The following ZNF366 variants were observed in gnomAD, a reference collection of about 807,000 sequenced individuals.
The protein encoded by ZNF366 is dendritic cell-specific transcript protein.
ZNF366 carries 20 observed loss-of-function variants against 47.2 expected under a neutral mutation model. That is an observed-to-expected ratio of 0.42 (90% CI 0.30 to 0.62). The LOEUF is 0.62. ZNF366 is among the 20% of genes least tolerant of loss of function. The probability of loss-of-function intolerance (pLI) is 0.16; values close to 1 mark genes in which losing one functional copy is unlikely to be tolerated. For missense variants in ZNF366, 987 were observed against 976.3 expected (o/e 1.01, Z -0.15); for synonymous variants, 421 against 395.1 (o/e 1.07, Z -0.78).
chr5:72,441,890 G>A lies in ZNF366; in HGVS notation c.*1866C>T, dbSNP rs1742860775. 1 of 152,158 alleles carries A rather than the reference G, an allele frequency of 6.6e-6. No individual in the cohort carries two copies. Among genetic ancestry groups the A allele is most frequent in the Non-Finnish European group, 1.5e-5 (1 of 68,052 alleles). The allele number at this position is 152,158 out of a possible 1,614,324, so 9.4% of individuals were successfully genotyped here. ...GGGTTATTGCTATGGGCAGTCACAC[G>A]TACACGACACCCAGTCAGTATTGCT... On this transcript the variant is annotated 3_prime_UTR_variant, in exon 5 of 5. Transcript: ENST00000318442.
At chr5:72,478,410 A>T (rs1023030697) in intron 1 of ZNF366, among the ~76,000 whole-genome samples, 1 of 152,178 alleles carries the variant, frequency 6.6e-6, no homozygotes, top group Non-Finnish European at 1.5e-5. Flanking sequence ...CATTTTATGG[A>T]TGAGAAATCA....
chr5:72,445,554 A>G (rs7729012), intron 4 of ZNF366, among the ~76,000 whole-genome samples: 128,436 of 152,190 alleles, frequency 0.84, 54,383 homozygotes, highest in East Asian at 0.96. Context: ...GAAAACACTG[A>G]GATTGTTGAA....
intron 4 of ZNF366, among the ~76,000 whole-genome samples, chr5:72,446,116 G>A (rs1740863200): frequency 6.6e-6 from 1 of 152,220 alleles, no homozygotes; most frequent in Non-Finnish European, 1.5e-5. Context: ...TCTGCCTAGG[G>A]TAGTGAGCAC....
At chr5:72,448,029 T>C (rs1051213159) in intron 3 of ZNF366, among the ~76,000 whole-genome samples, 1 of 152,206 alleles carries the variant, frequency 6.6e-6, no homozygotes, top group African/African-American at 2.4e-5. Context: ...ACAACTCTTC[T>C]GTATCAGGCA....
At chr5:72,463,398 AT>A (rs1183202111) in intron 1 of ZNF366, among the ~76,000 whole-genome samples, 1 of 152,246 alleles carries the variant, frequency 6.6e-6, no homozygotes, top group African/African-American at 2.4e-5. Context: ...AACTAAAAAA[AT>A]AATGCTTAAT....
intron 1 of ZNF366, among the ~76,000 whole-genome samples, chr5:72,476,564 G>A (rs1359044176): frequency 6.6e-5 from 10 of 152,268 alleles, no homozygotes; most frequent in Non-Finnish European, 7.4e-5. Context: ...GATACTAATG[G>A]TGGGGTGTTG....
In ZNF366 at chr5:72,460,309, G is replaced by T. The variant is rs771443877; in HGVS notation, c.1188C>A (p.Ser396=). 1 of 1,614,236 alleles carries T rather than the reference G, an allele frequency of 6.2e-7. No individual in the cohort carries two copies. The highest frequency in any genetic ancestry group is 8.5e-7 in the Non-Finnish European group (1 of 1,180,038). Residue 396 remains serine (S), a synonymous_variant, in exon 2 of 5, where the codon TCC becomes TCA. Transcript: ENST00000318442. ...THRGPIQYNC[S]ECDKTFQYPS... The stretch of plus-strand genomic sequence containing the variant: ...GGTACTGGAAGGTCTTGTCGCACTC[G>T]GAGCAGTTGTACTGGATGGGGCCCC...
In ZNF366 at chr5:72,460,016, G is replaced by C. The variant is rs1001271569; in HGVS notation, c.1332+149C>G. On this transcript the variant is annotated intron_variant, in intron 2 of 4. Coordinates refer to ENST00000318442, the MANE Select transcript of ZNF366 (RefSeq NM_152625.3). ...ATTTAAACGTGAGGAAGGACCTCAG[G>C]GCTCGGCCAAGGGACCGCTTGTCCG... The C allele has an allele frequency of 3.7e-6, 4 of 1,090,588 alleles. No individual in the cohort carries two copies. The African/African-American group carries it at 6.4e-5, about 17-fold the overall frequency. The allele number at this position is 1,090,588 out of a possible 1,614,324, so 67.6% of individuals were successfully genotyped here. A position where few individuals can be genotyped will look rare whatever the true frequency, so the allele number is the denominator to read the frequency against.
At chr5:72,501,474 A>C (rs1307352688) in intron 1 of ZNF366, among the ~76,000 whole-genome samples, 2 of 152,230 alleles carry the variant, frequency 1.3e-5, no homozygotes, top group African/African-American at 4.8e-5. Context: ...TAGATTTGCC[A>C]CTTTAAATTT....
chr5:72,484,223 G>T (rs960346300), intron 1 of ZNF366, among the ~76,000 whole-genome samples: 11 of 151,990 alleles, frequency 7.2e-5, no homozygotes, highest in African/African-American at 2.7e-4. Flanking sequence ...GGTGGCTCAC[G>T]CCTGTAATCC....
At chr5:72,487,256 G>A (rs943940016) in intron 1 of ZNF366, among the ~76,000 whole-genome samples, 3 of 152,178 alleles carry the variant, frequency 2.0e-5, no homozygotes, top group Non-Finnish European at 4.4e-5. Flanking sequence ...TCTTCAAAGA[G>A]TTTTGCAACT....
At chr5:72,473,816 T>G (rs1208577006) in intron 1 of ZNF366, among the ~76,000 whole-genome samples, 1 of 152,216 alleles carries the variant, frequency 6.6e-6, no homozygotes, top group East Asian at 1.9e-4. Context: ...TTAAGCTCCC[T>G]GCAGCCTAGG....
rs959847945 is a variant in ZNF366 at position 72,440,375 on chromosome 5, T to C, written c.*3381A>G. On this transcript the variant is annotated 3_prime_UTR_variant, in exon 5 of 5. Transcript: ENST00000318442. ...TGAAAGGTAACATGAGGAGTAATCA[T>C]AGGAAAGAATAAAAAGAATAAAAGA... is the stretch of plus-strand genomic sequence containing the variant. The C allele has an allele frequency of 2.0e-5, 3 of 152,136 alleles. No homozygotes were observed. Among genetic ancestry groups the C allele is most frequent in the African/African-American group, 7.2e-5 (3 of 41,418 alleles). 9.4% of individuals were successfully genotyped at this position (152,136 alleles called of 1,614,324 possible).
At chr5:72,502,989 G>A (rs942018306) in intron 1 of ZNF366, among the ~76,000 whole-genome samples, 2 of 152,096 alleles carry the variant, frequency 1.3e-5, no homozygotes, top group African/African-American at 2.4e-5. Flanking sequence ...GCCAGGCGTG[G>A]TGGCGGGCAG....
intron 1 of ZNF366, among the ~76,000 whole-genome samples, chr5:72,497,371 C>T (rs1489979714): frequency 1.3e-5 from 2 of 152,056 alleles, no homozygotes; most frequent in East Asian, 1.9e-4. Flanking sequence ...GATATGGAAT[C>T]GTTTCAGTAC....
intron 1 of ZNF366, among the ~76,000 whole-genome samples, chr5:72,484,463 G>C (rs1346892661): frequency 7.0e-6 from 1 of 142,186 alleles, no homozygotes; most frequent in Non-Finnish European, 1.5e-5. Context: ...CAGCCTGGGC[G>C]ACAGAGCGAG....
At chr5:72,464,927 G>A (rs1012795474) in intron 1 of ZNF366, among the ~76,000 whole-genome samples, 7 of 151,556 alleles carry the variant, frequency 4.6e-5, no homozygotes, top group South Asian at 2.1e-4. Context: ...GTGTAGTGGC[G>A]GGTGCCTGTA....
chr5:72,499,871 G>C (rs112591453), intron 1 of ZNF366, among the ~76,000 whole-genome samples: 6 of 151,478 alleles, frequency 4.0e-5, no homozygotes, highest in Non-Finnish European at 8.9e-5. Flanking sequence ...GCTCCATCCA[G>C]GCAGAGGCCC....
At chr5:72,474,405 T>G (rs1743630074) in intron 1 of ZNF366, among the ~76,000 whole-genome samples, 1 of 152,132 alleles carries the variant, frequency 6.6e-6, no homozygotes. Context: ...ATTAAATCTG[T>G]GAGGGTTTAA....
Sources: allele counts gnomAD v4.1 joint callset (sites outside exome capture counted in the v4.1 genomes callset), GRCh38; gene constraint gnomAD v4.1.1; transcripts MANE v1.5; gene names NCBI Gene and HGNC (gene_info 2026-07-23, HGNC 2026-07-21).